CPNE4: variants seen among roughly 807,000 people sequenced by gnomAD.
The protein encoded by CPNE4 is copine 4, also known as copine-4.
In CPNE4, 25 loss-of-function variants were observed where a neutral mutation model predicts 67.9. The ratio of observed to expected loss-of-function variants is 0.37; its 90% confidence interval spans 0.27 to 0.51. The LOEUF is 0.51. CPNE4 is among the 20% of genes least tolerant of loss of function. The pLI, the probability that CPNE4 is intolerant of heterozygous loss-of-function variation, is 0.93. For missense variants in CPNE4, 464 were observed against 690.8 expected (o/e 0.67, Z 3.68); for synonymous variants, 242 against 244.9 (o/e 0.99, Z 0.11).
At chr3:131,960,459 C>T (rs891859421) in intron 1 of CPNE4, among the ~76,000 whole-genome samples, 6 of 152,156 alleles carry the variant, frequency 3.9e-5, no homozygotes, top group African/African-American at 7.2e-5. Flanking sequence ...AAGCTTGCAA[C>T]GCATTCAGCA....
chr3:131,542,722 G>A lies in CPNE4; in HGVS notation c.1374C>T (p.Val458=). The A allele has an allele frequency of 6.2e-7, 1 of 1,613,964 alleles. No individual in the cohort carries two copies. Among genetic ancestry groups the A allele is most frequent in the South Asian group, 1.1e-5 (1 of 91,066 alleles). The part of the protein sequence containing the change: ...TDMADTREAI[V]HASHLPMSVI... ...CTGACATGGGGAGGTGGGAGGCATG[G>A]ACAATGGCCTCCCGGGTGTCGGCCA... The change falls in exon 15 of 16, where the codon GTC becomes GTT. Residue 458 remains valine, a synonymous_variant. Coordinates refer to ENST00000429747, the MANE Select transcript of CPNE4 (RefSeq NM_130808.3).
intron 2 of CPNE4, among the ~76,000 whole-genome samples, chr3:131,852,338 C>T (rs1237723358): frequency 1.3e-5 from 2 of 151,924 alleles, no homozygotes; most frequent in Non-Finnish European, 2.9e-5. Flanking sequence ...AAGTGGGTTT[C>T]ATCTCAGAAA....
chr3:131,840,690 C>T (rs2085741953), intron 2 of CPNE4, among the ~76,000 whole-genome samples: 1 of 152,140 alleles, frequency 6.6e-6, no homozygotes, highest in Non-Finnish European at 1.5e-5. Flanking sequence ...CCCCATATCC[C>T]CATATAGGCT....
At chr3:131,592,415 C>A (rs1938589511) in intron 7 of CPNE4, among the ~76,000 whole-genome samples, 1 of 152,094 alleles carries the variant, frequency 6.6e-6, no homozygotes, top group South Asian at 2.1e-4. Flanking sequence ...CTTTTATAAA[C>A]CCAGGCCATT....
At chr3:131,919,289 T>C (rs1225057) in intron 1 of CPNE4, among the ~76,000 whole-genome samples, 1 of 151,940 alleles carries the variant, frequency 6.6e-6, no homozygotes, top group Non-Finnish European at 1.5e-5. Flanking sequence ...AAATTAGAAA[T>C]AACAACAGCA....
chr3:131,938,632 G>A (rs1175838002), intron 1 of CPNE4, among the ~76,000 whole-genome samples: 1 of 152,064 alleles, frequency 6.6e-6, no homozygotes, highest in African/African-American at 2.4e-5. Context: ...CAGCAGGAGA[G>A]AGAGAGAAGG....
At chr3:131,854,291 A>C (rs962490969) in intron 2 of CPNE4, among the ~76,000 whole-genome samples, 1 of 151,940 alleles carries the variant, frequency 6.6e-6, no homozygotes, top group African/African-American at 2.4e-5. Flanking sequence ...GTACATTTAC[A>C]TGAACTTCAA....
At chr3:131,845,349 A>G (rs912562196) in intron 2 of CPNE4, among the ~76,000 whole-genome samples, 1 of 152,226 alleles carries the variant, frequency 6.6e-6, no homozygotes, top group African/African-American at 2.4e-5. Context: ...GGTGCTTAAA[A>G]AAGATAAATG....
At chr3:131,658,764 C>G (rs1469022289) in intron 7 of CPNE4, among the ~76,000 whole-genome samples, 2 of 152,190 alleles carry the variant, frequency 1.3e-5, no homozygotes, top group African/African-American at 4.8e-5. Context: ...AGGACTCTTT[C>G]TTTATGAAAG....
At chr3:131,651,987 A>T (rs1427444577) in intron 7 of CPNE4, among the ~76,000 whole-genome samples, 1 of 152,156 alleles carries the variant, frequency 6.6e-6, no homozygotes, top group Non-Finnish European at 1.5e-5. Flanking sequence ...GTTCTACAGG[A>T]TCCAGAACTT....
At chr3:132,033,142 C>A (rs894549538) in intron 1 of CPNE4, among the ~76,000 whole-genome samples, 2 of 152,266 alleles carry the variant, frequency 1.3e-5, no homozygotes, top group South Asian at 2.1e-4. Flanking sequence ...TGTGTGCGCG[C>A]GGGGGCGCGC....
intron 2 of CPNE4, among the ~76,000 whole-genome samples, chr3:131,792,654 T>TATATAC (rs761088896): frequency 7.2e-5 from 5 of 69,742 alleles, no homozygotes; most frequent in African/African-American, 2.8e-4. Context: ...TATGTATATA[T>TATATAC]ACACACGTGT....
rs78174024 is a variant in CPNE4 at position 131,726,421 on chromosome 3, C to G, written c.181-2796G>C. On this transcript the variant is annotated intron_variant, in intron 2 of 15. Coordinates refer to ENST00000429747, the MANE Select transcript of CPNE4 (RefSeq NM_130808.3). ...TTGTATTAGCAAGACAGACGATTTCCAAGGATAATCAGAAAGCCACTAAGA... is the reference window on the plus strand; with the variant it reads ...TTGTATTAGCAAGACAGACGATTTCGAAGGATAATCAGAAAGCCACTAAGA... Among the ~76,000 whole-genome samples, 1,002 of 152,116 alleles carry G rather than the reference C, an allele frequency of 6.6e-3. 13 individuals carry two copies. Among genetic ancestry groups the G allele is most frequent in the African/African-American group, 0.023 (943 of 41,506 alleles).
intron 7 of CPNE4, among the ~76,000 whole-genome samples, chr3:131,589,285 A>T (rs1938385751): frequency 6.6e-6 from 1 of 152,168 alleles, no homozygotes; most frequent in Non-Finnish European, 1.5e-5. Flanking sequence ...AGCCCCCAGG[A>T]AGCCACTGAT....
intron 1 of CPNE4, among the ~76,000 whole-genome samples, chr3:131,947,866 GTTC>G (rs936973068): frequency 3.3e-5 from 5 of 152,104 alleles, no homozygotes; most frequent in South Asian, 2.1e-4. Context: ...GTGTAAAAGT[GTTC>G]TTATTTATCC....
chr3:131,813,519 TTGTA>T (rs1553776854), intron 2 of CPNE4, among the ~76,000 whole-genome samples: 1 of 149,830 alleles, frequency 6.7e-6, no homozygotes, highest in Non-Finnish European at 1.5e-5. Context: ...TTTTTCTATA[TTGTA>T]TGTATGTATA....
chr3:131,911,364 C>T (rs911834576), intron 1 of CPNE4, among the ~76,000 whole-genome samples: 1 of 152,002 alleles, frequency 6.6e-6, no homozygotes, highest in South Asian at 2.1e-4. Flanking sequence ...ACTGACACCT[C>T]GATTGCAGAC....
chr3:132,027,340 A>G (rs1360091867), intron 1 of CPNE4, among the ~76,000 whole-genome samples: 1 of 152,132 alleles, frequency 6.6e-6, no homozygotes, highest in African/African-American at 2.4e-5. Flanking sequence ...CTTATCTGGA[A>G]AATGGGAGGG....
chr3:131,764,432 A>T (rs1289574854), intron 2 of CPNE4, among the ~76,000 whole-genome samples: 1 of 152,136 alleles, frequency 6.6e-6, no homozygotes, highest in Non-Finnish European at 1.5e-5. Flanking sequence ...TTATGAAGAA[A>T]TTATATTCAA....
Sources: allele counts gnomAD v4.1 joint callset (sites outside exome capture counted in the v4.1 genomes callset), GRCh38; gene constraint gnomAD v4.1.1; transcripts MANE v1.5; gene names NCBI Gene and HGNC (gene_info 2026-07-23, HGNC 2026-07-21).